The following XPO4 variants were observed in gnomAD, a reference collection of about 807,000 sequenced individuals.
The protein encoded by XPO4 is exportin 4.
Under a neutral mutation model 143.0 loss-of-function variants are expected in XPO4, and 39 were observed. The ratio of observed to expected loss-of-function variants is 0.27; its 90% CI spans 0.21 to 0.36. The LOEUF (loss-of-function observed/expected upper bound fraction) is 0.36, where lower values mean the gene tolerates loss of function less well. Among genes scored for constraint, XPO4 ranks in the 10% least tolerant of loss-of-function variants. XPO4 has a pLI of 1.00. For synonymous variants in XPO4, 439 were observed against 474.0 expected (o/e 0.93, Z 0.96); for missense variants, 907 against 1,348.0 (o/e 0.67, Z 5.12).
At chr13:20,823,805 C>T (rs1055480749) in intron 7 of XPO4, among the ~76,000 whole-genome samples, 4 of 152,184 alleles carry the variant, frequency 2.6e-5, no homozygotes, top group Non-Finnish European at 5.9e-5. Context: ...GCACGTGCCA[C>T]GGCGCCTGGC....
At chr13:20,788,406 G>C (rs1287307379) in intron 20 of XPO4, 80 bp downstream of exon 20, 4 of 1,535,370 alleles carry the variant, frequency 2.6e-6, no homozygotes, top group Admixed American at 4.5e-5. Context: ...AATGAAAAAT[G>C]TAAACTTAAA....
At chr13:20,804,168 C>T (rs929758353) in intron 13 of XPO4, among the ~76,000 whole-genome samples, 1 of 150,182 alleles carries the variant, frequency 6.7e-6, no homozygotes. Flanking sequence ...TATATATATA[C>T]ACACTATATA....
intron 19 of XPO4, among the ~76,000 whole-genome samples, chr13:20,788,981 A>G (rs1436349675): frequency 6.6e-6 from 1 of 152,228 alleles, no homozygotes; most frequent in Non-Finnish European, 1.5e-5. Flanking sequence ...ATTTCCATTC[A>G]AGCATGCTGA....
intron 1 of XPO4, among the ~76,000 whole-genome samples, chr13:20,893,909 T>G (rs757546725): frequency 3.9e-5 from 6 of 152,184 alleles, no homozygotes; most frequent in African/African-American, 1.2e-4. Flanking sequence ...AATGGCATGA[T>G]CTTGGCTCAC....
chr13:20,902,761 A>T, upstream of XPO4: 1 of 1,433,940 alleles, frequency 7.0e-7, no homozygotes, highest in Non-Finnish European at 9.2e-7. Flanking sequence ...ATGACGCGCC[A>T]TGCGCTGCAT....
rs1288573940 is a variant in XPO4, at chr13:20,783,220, G to T, written c.*502C>A. The T allele has an allele frequency of 6.3e-6, 1 of 158,636 alleles. No homozygotes were observed. The highest frequency in any genetic ancestry group is 1.8e-4 in the East Asian group (1 of 5,488). The allele number at this position is 158,636 out of a possible 1,614,324, so 9.8% of individuals were successfully genotyped here. ...GAAGCTTATTAACATGAAGACTCCT[G>T]GGCCCAACAACCAGACATTCTGACT... On this transcript the variant is annotated 3_prime_UTR_variant, in exon 23 of 23. Transcript: ENST00000255305.
rs540223558 is a variant in XPO4, at chr13:20,856,878, C to A, written c.318-1113G>T. On this transcript the variant is annotated intron_variant, in intron 3 of 22. Coordinates refer to ENST00000255305, the MANE Select transcript of XPO4 (RefSeq NM_022459.5). Reference sequence around the variant, plus strand: ...TTCTCCAGAAAGTTATTACTAAGGGCTCCCACGGCACCCTCACATGACAGG... The same window carrying A: ...TTCTCCAGAAAGTTATTACTAAGGGATCCCACGGCACCCTCACATGACAGG... The A allele has an allele frequency of 4.1e-6, 4 of 985,430 alleles. No individual in the cohort carries two copies. In the African/African-American group the frequency reaches 7.0e-5, roughly 17 times the overall value. The allele number at this position is 985,430 out of a possible 1,614,324, so 61.0% of individuals were successfully genotyped here.
intron 9 of XPO4, among the ~76,000 whole-genome samples, chr13:20,820,716 C>T (rs76813150): frequency 0.018 from 2,692 of 152,248 alleles, 95 homozygotes; most frequent in African/African-American, 0.06. Flanking sequence ...ACTTGTCTGA[C>T]CTGGTTCCTT....
intron 6 of XPO4, among the ~76,000 whole-genome samples, chr13:20,830,591 C>A (rs1488205914): frequency 6.6e-6 from 1 of 151,998 alleles, no homozygotes; most frequent in Non-Finnish European, 1.5e-5. Context: ...CAAATCATAT[C>A]CCACTCTACT....
At chr13:20,855,028 AATATT>A (rs1384442946) in intron 4 of XPO4, among the ~76,000 whole-genome samples, 3 of 152,246 alleles carry the variant, frequency 2.0e-5, no homozygotes, top group African/African-American at 7.2e-5. Flanking sequence ...AACGGCTAAC[AATATT>A]ATGGCATATT....
At chr13:20,882,795 G>A (rs2060424794) in intron 1 of XPO4, among the ~76,000 whole-genome samples, 2 of 151,716 alleles carry the variant, frequency 1.3e-5, no homozygotes, top group South Asian at 4.2e-4. Flanking sequence ...TCTGAGGCAA[G>A]AGAATCGCTT....
intron 1 of XPO4, among the ~76,000 whole-genome samples, chr13:20,899,915 C>A (rs1444834956): frequency 1.3e-5 from 2 of 152,128 alleles, no homozygotes; most frequent in African/African-American, 4.8e-5. Context: ...GCATTAACAA[C>A]CTTAATTAGC....
intron 16 of XPO4, among the ~76,000 whole-genome samples, chr13:20,798,187 T>C (rs1041264775): frequency 1.3e-5 from 2 of 152,006 alleles, no homozygotes; most frequent in African/African-American, 2.4e-5. Flanking sequence ...TTAGTTCAGA[T>C]GAGGTCATAC....
chr13:20,855,431 G>A (rs2060133827), intron 4 of XPO4, among the ~76,000 whole-genome samples, 196 bp downstream of exon 4: 2 of 150,040 alleles, frequency 1.3e-5, no homozygotes, highest in African/African-American at 4.9e-5. Flanking sequence ...CTCCAGCCTG[G>A]GCAACAAGAG....
chr13:20,822,196 C>G lies in XPO4; in HGVS notation c.934G>C (p.Asp312His), dbSNP rs1408226346. 2 of 1,613,882 alleles carry G rather than the reference C, an allele frequency of 1.2e-6. No individual in the cohort carries two copies. The highest frequency in any genetic ancestry group is 1.7e-6 in the Non-Finnish European group (2 of 1,179,920). The change falls in exon 8 of 23, where the codon GAT becomes CAT. Residue 312 changes from aspartate (D) to histidine (H), a missense_variant. Physicochemically the swap from Asp to His is moderately conservative, Grantham distance 81 (BLOSUM62 -1). Coordinates refer to ENST00000255305, the MANE Select transcript of XPO4 (RefSeq NM_022459.5). ...AGATAATCAACTTGTGATCCTTCATCTGGGAAGATGGGTCCATGAAGAGAA... is the reference window on the plus strand; with the variant it reads ...AGATAATCAACTTGTGATCCTTCATGTGGGAAGATGGGTCCATGAAGAGAA... ...LASLHGPIFP[D>H]EGSQVDYLAH...
At chr13:20,825,554 C>G (rs559049491) in intron 7 of XPO4, among the ~76,000 whole-genome samples, 2 of 152,182 alleles carry the variant, frequency 1.3e-5, no homozygotes, top group Non-Finnish European at 2.9e-5. Context: ...TTGTTCACAG[C>G]TGACAGGAGC....
At chr13:20,873,261 A>C (rs1280898105) in intron 1 of XPO4, among the ~76,000 whole-genome samples, 2 of 152,152 alleles carry the variant, frequency 1.3e-5, no homozygotes, top group African/African-American at 4.8e-5. Flanking sequence ...TCTGGAGAAC[A>C]CGATCACTGT....
At chr13:20,856,395 T>C (rs745737880) in intron 3 of XPO4, 27 of 983,690 alleles carry the variant, frequency 2.7e-5, no homozygotes, top group Non-Finnish European at 3.3e-5. Context: ...CCATCCCAAG[T>C]GGAGGCATTT....
intron 13 of XPO4, among the ~76,000 whole-genome samples, chr13:20,804,205 A>G (rs9552284): frequency 0.23 from 34,648 of 150,146 alleles, 5,620 homozygotes; most frequent in East Asian, 0.8. Flanking sequence ...CTATATATAT[A>G]CACACATTAT....
Sources: allele counts gnomAD v4.1 joint callset (sites outside exome capture counted in the v4.1 genomes callset), GRCh38; gene constraint gnomAD v4.1.1; transcripts MANE v1.5; gene names NCBI Gene and HGNC (gene_info 2026-07-23, HGNC 2026-07-21).